The following EFHB variants were observed in gnomAD, a reference collection of about 807,000 sequenced individuals.
The protein encoded by EFHB is EF-hand domain family member B, also known as EF-hand domain-containing family member B.
EFHB carries 91 observed loss-of-function variants against 87.2 expected under a neutral mutation model. The observed-to-expected ratio is 1.04, with a 90% confidence interval of 0.88 to 1.24. EFHB has a LOEUF of 1.24. EFHB is among the 50% of genes most tolerant of loss of function. EFHB has a pLI of 0.00. For missense variants in EFHB, 1,084 were observed against 998.8 expected (o/e 1.09, Z -1.15); for synonymous variants, 325 against 333.6 (o/e 0.97, Z 0.28).
intron 5 of EFHB, among the ~76,000 whole-genome samples, chr3:19,911,229 A>G (rs187681445): frequency 6.6e-6 from 1 of 152,292 alleles, no homozygotes; most frequent in East Asian, 1.9e-4. Flanking sequence ...TCAAAATTCT[A>G]TCAGGTAAAT....
Position 19,933,931 on chromosome 3 carries a change from A to G in EFHB, c.88T>C (p.Leu30=), listed in dbSNP as rs1320693300. The G allele has an allele frequency of 1.9e-6, 3 of 1,613,528 alleles. No individual in the cohort carries two copies. Among genetic ancestry groups the G allele is most frequent in the Non-Finnish European group, 2.5e-6 (3 of 1,179,778 alleles). The change falls in exon 1 of 13, where the codon TTG becomes CTG. Residue 30 remains leucine, a synonymous_variant. Transcript: ENST00000295824. ...TTTCCTAATCCTACTCTGATCCCCA[A>G]CTCCATGGGAAATTTTGTTCCCATG... The part of the protein sequence containing the change: ...VIMGTKFPME[L]GIRVGLGKED...
chr3:19,920,040 T>G (rs1695383399), intron 2 of EFHB, 64 bp from the exon 3 acceptor site: 1 of 1,550,142 alleles, frequency 6.5e-7, no homozygotes, highest in South Asian at 1.2e-5. Flanking sequence ...ACAGGACTGA[T>G]CTATACCAAT....
chr3:19,888,090 C>T (rs931420210), intron 10 of EFHB, among the ~76,000 whole-genome samples: 2 of 152,110 alleles, frequency 1.3e-5, no homozygotes, highest in Non-Finnish European at 2.9e-5. Flanking sequence ...ATTATTGATT[C>T]TTTCCTACAC....
intron 1 of EFHB, chr3:19,941,209 G>A: frequency 3.0e-6 from 1 of 338,690 alleles, no homozygotes; most frequent in Non-Finnish European, 5.8e-6. Flanking sequence ...GTCTAGTTTG[G>A]TGTCTTGAAG....
At chr3:19,922,495 C>T (rs982812870) in intron 1 of EFHB, among the ~76,000 whole-genome samples, 6 of 152,116 alleles carry the variant, frequency 3.9e-5, no homozygotes, top group South Asian at 2.1e-4. Flanking sequence ...GGTAAGGTAG[C>T]GGGGCATTAA....
intron 3 of EFHB, 68 bp downstream of exon 3, chr3:19,919,765 A>C: frequency 1.4e-6 from 2 of 1,473,114 alleles, no homozygotes; most frequent in Non-Finnish European, 1.9e-6. Flanking sequence ...AATTTCACTA[A>C]TACCTGATTT....
chr3:19,885,050 C>T (rs1694049362), intron 10 of EFHB, among the ~76,000 whole-genome samples: 2 of 151,674 alleles, frequency 1.3e-5, no homozygotes, highest in African/African-American at 4.9e-5. Flanking sequence ...GATGAAACCC[C>T]GTCTCTATTA....
In EFHB at chr3:19,884,588, G is replaced by T. The variant is rs764281686; in HGVS notation, c.1961C>A (p.Thr654Asn). 1 of 1,613,902 alleles carries T rather than the reference G, an allele frequency of 6.2e-7. No individual in the cohort carries two copies. Among genetic ancestry groups the T allele is most frequent in the Non-Finnish European group, 8.5e-7 (1 of 1,179,852 alleles). The change falls in exon 11 of 13, where the codon ACT (threonine) becomes AAT (asparagine). Residue 654 changes from threonine to asparagine, a missense_variant. Thr to Asn is a moderately conservative substitution (Grantham distance 65, BLOSUM62 0). Coordinates refer to ENST00000295824, the MANE Select transcript of EFHB (RefSeq NM_144715.4). Reference sequence around the variant, plus strand: ...TTCAGGTTCTTCAACATTAGCCTCAGTAGGGTTTACACAATCTGGTTTTCT... The same window carrying T: ...TTCAGGTTCTTCAACATTAGCCTCATTAGGGTTTACACAATCTGGTTTTCT... Reference protein sequence around the residue: ...KGRKPDCVNPTEANVEEPEQT... With the variant: ...KGRKPDCVNPNEANVEEPEQT...
intron 4 of EFHB, among the ~76,000 whole-genome samples, chr3:19,916,413 G>A (rs1441164345): frequency 6.6e-6 from 1 of 152,048 alleles, no homozygotes; most frequent in Non-Finnish European, 1.5e-5. Flanking sequence ...TACTCGGGGG[G>A]CTGAGGCAGG....
At chr3:19,919,200 T>C (rs1695349277) in intron 3 of EFHB, among the ~76,000 whole-genome samples, 6 of 152,042 alleles carry the variant, frequency 3.9e-5, no homozygotes. Context: ...TTTTTTTGTT[T>C]GTTTGTTTGT....
At position 19,898,878 on chromosome 3, in the gene EFHB, C is replaced by A. The variant is rs1158092994; in HGVS notation, c.1503-33G>T. 1.9e-6 allele frequency: 3 copies of A among 1,597,554 alleles called. 1 individual carries two copies. The South Asian group carries it at 3.3e-5, about 18-fold the overall frequency. On this transcript the variant is annotated intron_variant, in intron 7 of 12. Transcript: ENST00000295824. ...AGAAAACAAATCCTTAGTTAAAATA[C>A]CCACCACATGGCATCTCTGGAATTT... is the stretch of plus-strand genomic sequence containing the variant.
intron 1 of EFHB, among the ~76,000 whole-genome samples, chr3:19,924,157 CT>C (rs1409942530): frequency 6.0e-5 from 9 of 151,230 alleles, no homozygotes; most frequent in African/African-American, 2.2e-4. Context: ...TTTTAGCATT[CT>C]TTCTATATTT....
rs563057303 is a variant in EFHB, at chr3:19,903,147, A to G, written c.1418+2473T>C. Reference sequence around the variant, plus strand: ...AGCCGAGATCATGCCACTGCAATCTAGTCTGGGTGACAGAGGGAGACTCCA... The same window carrying G: ...AGCCGAGATCATGCCACTGCAATCTGGTCTGGGTGACAGAGGGAGACTCCA... On this transcript the variant is annotated intron_variant, in intron 6 of 12. Coordinates refer to ENST00000295824, the MANE Select transcript of EFHB (RefSeq NM_144715.4). Among the ~76,000 whole-genome samples the G allele has an allele frequency of 2.5e-4, 38 of 151,928 alleles. 1 individual carries two copies. The highest frequency in any genetic ancestry group is 8.9e-4 in the African/African-American group (37 of 41,474).
intron 1 of EFHB, among the ~76,000 whole-genome samples, chr3:19,926,489 G>A (rs577647685): frequency 7.2e-5 from 11 of 152,022 alleles, no homozygotes; most frequent in Non-Finnish European, 1.3e-4. Flanking sequence ...TCAGCCTCCC[G>A]AGTAGCTGGG....
chr3:19,920,855 T>G (rs1695414539), intron 1 of EFHB, among the ~76,000 whole-genome samples: 2 of 152,346 alleles, frequency 1.3e-5, no homozygotes, highest in South Asian at 4.1e-4. Flanking sequence ...TGTTGAGGAA[T>G]TCAACCTTCA....
chr3:19,894,272 T>C (rs1575001830), intron 9 of EFHB, among the ~76,000 whole-genome samples: 1 of 152,200 alleles, frequency 6.6e-6, no homozygotes, highest in East Asian at 1.9e-4. Context: ...TGGTAATTTC[T>C]AGCTACCATT....
intron 6 of EFHB, among the ~76,000 whole-genome samples, chr3:19,900,293 T>G (rs1694628532): frequency 6.6e-6 from 1 of 151,524 alleles, no homozygotes; most frequent in African/African-American, 2.4e-5. Context: ...ATCAAATAAA[T>G]AAATAGCCAA....
chr3:19,897,493 T>C (rs1288535047), intron 8 of EFHB, among the ~76,000 whole-genome samples: 1 of 152,132 alleles, frequency 6.6e-6, no homozygotes, highest in East Asian at 1.9e-4. Flanking sequence ...ACCTCCTGCC[T>C]CTCTTCATTT....
intron 1 of EFHB, among the ~76,000 whole-genome samples, chr3:19,921,200 TG>T (rs1245183010): frequency 2.6e-5 from 4 of 151,898 alleles, no homozygotes; most frequent in Admixed American, 2.6e-4. Context: ...AGTGGATGGA[TG>T]AATGAGTAGA....
Sources: gnomAD v4.1 joint callset for allele counts (sites outside exome capture counted in the v4.1 genomes callset) on GRCh38, gnomAD v4.1.1 for gene constraint, MANE v1.5 for transcripts, NCBI Gene and HGNC (gene_info 2026-07-23, HGNC 2026-07-21) for gene names.